Variants in CELF4 observed in about 807,000 individuals in gnomAD.
CELF4 encodes CUGBP Elav-like family member 4.
In CELF4, 18 loss-of-function variants were observed where a neutral mutation model predicts 59.9. That is an observed-to-expected ratio of 0.30 (90% CI 0.21 to 0.45). The LOEUF is 0.45. Ranked by LOEUF, CELF4 falls within the 20% of genes least tolerant of loss-of-function variation. CELF4 has a pLI of 1.00. For synonymous variants in CELF4, 261 were observed against 267.1 expected (o/e 0.98, Z 0.22); for missense variants, 456 against 689.0 (o/e 0.66, Z 3.79).
intron 3 of CELF4, chr18:37,306,053 C>T (rs1040098975): frequency 1.3e-5 from 2 of 152,250 alleles, no homozygotes; most frequent in African/African-American, 4.8e-5. Context: ...GGCTTCTGCC[C>T]TGATGGGGAA....
intron 2 of CELF4, among the ~76,000 whole-genome samples, chr18:37,469,341 TG>T (rs2099815902): frequency 6.6e-6 from 1 of 152,098 alleles, no homozygotes; most frequent in Non-Finnish European, 1.5e-5. Flanking sequence ...ATGCATCTGC[TG>T]GGAGGGGGCC....
intron 10 of CELF4, among the ~76,000 whole-genome samples, chr18:37,260,356 C>A (rs1177727405): frequency 6.6e-6 from 1 of 152,164 alleles, no homozygotes; most frequent in South Asian, 2.1e-4. Context: ...GAAATCGTTC[C>A]AAGATGCGTC....
At chr18:37,403,867 C>G (rs1319002079) in intron 2 of CELF4, among the ~76,000 whole-genome samples, 1 of 152,202 alleles carries the variant, frequency 6.6e-6, no homozygotes, top group Non-Finnish European at 1.5e-5. Flanking sequence ...CTCAGCTACA[C>G]AGACTCCCCT....
chr18:37,541,855 C>T (rs1031304255), intron 1 of CELF4, among the ~76,000 whole-genome samples: 4 of 152,092 alleles, frequency 2.6e-5, no homozygotes, highest in South Asian at 4.2e-4. Flanking sequence ...CCCACTGACA[C>T]GTATACAGCG....
At chr18:37,335,483 G>GTA (rs1491383278) in intron 2 of CELF4, among the ~76,000 whole-genome samples, 1 of 119,456 alleles carries the variant, frequency 8.4e-6, no homozygotes, top group African/African-American at 4.4e-5. Flanking sequence ...AGTGCATGCA[G>GTA]TGTGTGTGTG....
At position 37,558,806 on chromosome 18, in the gene CELF4, C is replaced by CGTGTGTGTGT. The variant is rs147683102; in HGVS notation, c.286+6540_286+6549dup. Among the ~76,000 whole-genome samples the CGTGTGTGTGT allele has an allele frequency of 4.8e-3, 695 of 145,538 alleles. 10 individuals are homozygous for CGTGTGTGTGT. Among genetic ancestry groups the CGTGTGTGTGT allele is most frequent in the African/African-American group, 0.017 (669 of 39,278 alleles). On this transcript the variant is annotated intron_variant, in intron 1 of 12. Coordinates refer to ENST00000420428, the MANE Select transcript of CELF4 (RefSeq NM_020180.4). ...GCCTGACTTGACTGAGCTGTCAGGT[C>CGTGTGTGTGT]GTGTGTGTGTGTGTGTGTGTGTGTG...
At chr18:37,424,057 T>G (rs1295614293) in intron 2 of CELF4, among the ~76,000 whole-genome samples, 1 of 152,054 alleles carries the variant, frequency 6.6e-6, no homozygotes, top group Admixed American at 6.6e-5. Flanking sequence ...GCACTTGGAA[T>G]GATCTATCAG....
intron 2 of CELF4, chr18:37,473,884 T>C (rs1483165012): frequency 6.6e-6 from 1 of 152,290 alleles, no homozygotes; most frequent in African/African-American, 2.4e-5. Flanking sequence ...CAAGATATCC[T>C]CTTTCCCAGA....
intron 2 of CELF4, among the ~76,000 whole-genome samples, chr18:37,452,782 T>G (rs1305734361): frequency 6.6e-6 from 1 of 152,186 alleles, no homozygotes; most frequent in Non-Finnish European, 1.5e-5. Context: ...GACTTCTCCC[T>G]TTTCTCAACC....
Position 37,448,458 on chromosome 18 carries a change from G to A in CELF4, c.369+37067C>T, listed in dbSNP as rs572807614. Reference sequence around the variant, plus strand: ...CCCTGGCGAGGCCTTGCCTTCACACGGTATGGCCCTATGCTGTCCCCTCCC... The same window carrying A: ...CCCTGGCGAGGCCTTGCCTTCACACAGTATGGCCCTATGCTGTCCCCTCCC... On this transcript the variant is annotated intron_variant, in intron 2 of 12. Coordinates refer to ENST00000420428, the MANE Select transcript of CELF4 (RefSeq NM_020180.4). 5.9e-5 allele frequency among the ~76,000 whole-genome samples: 9 copies of A among 152,326 alleles called. No homozygotes were observed. The South Asian group carries it at 8.3e-4, about 14-fold the overall frequency.
At chr18:37,280,935 G>A (rs1378624548) in intron 3 of CELF4, among the ~76,000 whole-genome samples, 2 of 152,216 alleles carry the variant, frequency 1.3e-5, no homozygotes, top group African/African-American at 4.8e-5. Context: ...GACACCCGGG[G>A]AAGTGACAGG....
intron 1 of CELF4, among the ~76,000 whole-genome samples, chr18:37,545,182 G>T (rs568793615): frequency 5.3e-5 from 8 of 152,332 alleles, no homozygotes; most frequent in Admixed American, 1.3e-4. Context: ...CAGATGCATT[G>T]GGCAAAGCAC....
chr18:37,352,880 C>T (rs2098470704), intron 2 of CELF4, among the ~76,000 whole-genome samples: 2 of 152,078 alleles, frequency 1.3e-5, no homozygotes, highest in East Asian at 3.9e-4. Flanking sequence ...CGGGGTGGAA[C>T]AGCGCCTTGC....
At chr18:37,523,748 C>T (rs1470672933) in intron 1 of CELF4, among the ~76,000 whole-genome samples, 1 of 152,236 alleles carries the variant, frequency 6.6e-6, no homozygotes, top group Non-Finnish European at 1.5e-5. Flanking sequence ...TCTCATGCCA[C>T]CAGTCCCTTC....
In CELF4 at chr18:37,274,349, C is replaced by T. The variant is rs2154359541; in HGVS notation, c.763G>A (p.Ala255Thr). The change falls in exon 6 of 13, where the codon GCC (alanine) becomes ACC (threonine). Residue 255 changes from alanine to threonine, a missense_variant. Around this residue, in one of 7 missense-constraint regions of CELF4, gnomAD observed 256 missense variants for 340.8 expected, o/e 0.75. Coordinates refer to ENST00000420428, the MANE Select transcript of CELF4 (RefSeq NM_020180.4). Reference sequence around the variant, plus strand: ...GCGCCGTAGGCCCCGAAAGGGATGGCCATGGGGTTGAACATGCCCATCTGG... The same window carrying T: ...GCGCCGTAGGCCCCGAAAGGGATGGTCATGGGGTTGAACATGCCCATCTGG... The part of the protein sequence containing the change: ...AGQMGMFNPM[A>T]IPFGAYGAYA... The T allele has an allele frequency of 6.2e-7, 1 of 1,613,466 alleles. No homozygotes were observed. Among genetic ancestry groups the T allele is most frequent in the Non-Finnish European group, 8.5e-7 (1 of 1,179,920 alleles).
At chr18:37,461,814 G>C (rs756832589) in intron 2 of CELF4, among the ~76,000 whole-genome samples, 6 of 152,222 alleles carry the variant, frequency 3.9e-5, no homozygotes, top group Non-Finnish European at 5.9e-5. Flanking sequence ...TCATTTTGCA[G>C]ATATGGAGGT....
intron 2 of CELF4, among the ~76,000 whole-genome samples, chr18:37,336,139 A>G (rs2097763547): frequency 6.6e-6 from 1 of 152,166 alleles, no homozygotes; most frequent in African/African-American, 2.4e-5. Context: ...CACATGCCCC[A>G]CAGCCAGCCC....
chr18:37,249,219 C>T (rs2063911248), intron 12 of CELF4, among the ~76,000 whole-genome samples: 1 of 152,126 alleles, frequency 6.6e-6, no homozygotes, highest in African/African-American at 2.4e-5. Context: ...AGCCCTTAGA[C>T]CCACCCAGGA....
chr18:37,422,191 C>A (rs1462055439), intron 2 of CELF4, among the ~76,000 whole-genome samples: 1 of 152,210 alleles, frequency 6.6e-6, no homozygotes, highest in Non-Finnish European at 1.5e-5. Flanking sequence ...GTGTAAGGAC[C>A]AGATTCCAGA....
Sources: gnomAD v4.1 joint callset for allele counts (sites outside exome capture counted in the v4.1 genomes callset) on GRCh38, gnomAD v4.1.1 for gene constraint, gnomAD v4.1.1 regional missense constraint, MANE v1.5 for transcripts, NCBI Gene and HGNC (gene_info 2026-07-23, HGNC 2026-07-21) for gene names.